Variants in AKR1E2 observed in about 807,000 individuals in gnomAD.
AKR1E2 encodes the protein aldo-keto reductase family 1 member E2, also known as 1,5-anhydro-D-fructose reductase.
Under a neutral mutation model 41.9 loss-of-function variants are expected in AKR1E2, and 43 were observed. The ratio of observed to expected loss-of-function variants is 1.03; its 90% CI spans 0.80 to 1.32. The LOEUF is 1.32. Ranked by LOEUF, AKR1E2 falls within the 40% of genes most tolerant of loss-of-function variation. The pLI, the probability that AKR1E2 is intolerant of heterozygous loss-of-function variation, is 0.00. For synonymous variants in AKR1E2, 121 were observed against 138.9 expected, an observed-to-expected ratio of 0.87 and a Z score of 0.91; for missense variants, 423 against 396.5, an observed-to-expected ratio of 1.07 and a Z score of -0.57.
In AKR1E2 at chr10:4,826,308, G is replaced by A; in HGVS notation, c.-17G>A. ...CGCGTGCGGGGCGGCGGGGCGGCGG[G>A]GCGGCCGGCGGCGGCCATGGGAGAT... On this transcript the variant is annotated 5_prime_UTR_variant, in exon 1 of 10. Transcript: ENST00000298375. 1 of 1,232,938 alleles carries A rather than the reference G, an allele frequency of 8.1e-7. No homozygotes were observed. Among genetic ancestry groups the A allele is most frequent in the Non-Finnish European group, 1.0e-6 (1 of 987,126 alleles). The allele number at this position is 1,232,938 out of a possible 1,614,324, so 76.4% of individuals were successfully genotyped here. A position where few individuals can be genotyped will look rare whatever the true frequency, so the allele number is the denominator to read the frequency against.
At chr10:4,833,616 A>C (rs1588444965) in intron 3 of AKR1E2, 150 bp downstream of exon 3, 2 of 707,040 alleles carry the variant, frequency 2.8e-6, no homozygotes, top group Non-Finnish European at 5.0e-6. Context: ...GCATTTGGGC[A>C]GTCCTCTTGA....
chr10:4,831,580 C>G (rs1449440816), intron 2 of AKR1E2, among the ~76,000 whole-genome samples: 1 of 152,120 alleles, frequency 6.6e-6, no homozygotes. Context: ...AAACTTGCCC[C>G]CATGATTCAG....
chr10:4,847,292 C>A, intron 9 of AKR1E2, 62 bp downstream of exon 9: 5 of 1,607,238 alleles, frequency 3.1e-6, no homozygotes. Flanking sequence ...TGATTGGTGT[C>A]TGAATAGGTA....
the AKR1E2 span, among the ~76,000 whole-genome samples, chr10:4,862,903 A>G: frequency 6.9e-5 from 2 of 28,802 alleles, no homozygotes; most frequent in South Asian, 2.6e-3. Flanking sequence ...CAATTCAACA[A>G]GAAGAGCTAA....
the AKR1E2 span, among the ~76,000 whole-genome samples, chr10:4,855,364 T>C: frequency 0.26 from 39,248 of 152,102 alleles, 5,261 homozygotes; most frequent in Middle Eastern, 0.37. Context: ...TAGAATAGAA[T>C]ATGGGCTTAG....
At chr10:4,871,259 G>C in the AKR1E2 span, among the ~76,000 whole-genome samples, 2 of 151,936 alleles carry the variant, frequency 1.3e-5, no homozygotes, top group African/African-American at 4.8e-5. Context: ...TACAATGGTT[G>C]CTTTAAAATC....
chr10:4,840,628 C>T (rs564787535), intron 6 of AKR1E2, among the ~76,000 whole-genome samples: 1 of 152,364 alleles, frequency 6.6e-6, no homozygotes, highest in East Asian at 1.9e-4. Flanking sequence ...CTGTGAACAT[C>T]CTGGGCTTCA....
intron 6 of AKR1E2, 119 bp from the exon 7 acceptor site, chr10:4,841,666 C>A: frequency 1.4e-6 from 1 of 703,898 alleles, no homozygotes; most frequent in South Asian, 3.1e-5. Flanking sequence ...TTCCTGTAGT[C>A]GGCATGTGTC....
At chr10:4,865,805 CAAA>C in the AKR1E2 span, among the ~76,000 whole-genome samples, 2 of 152,100 alleles carry the variant, frequency 1.3e-5, no homozygotes, top group African/African-American at 4.8e-5. Context: ...TGAAGCTTAA[CAAA>C]AAGAGTCCAC....
chr10:4,846,370 G>T (rs1284733232), intron 8 of AKR1E2, among the ~76,000 whole-genome samples: 1 of 152,122 alleles, frequency 6.6e-6, no homozygotes, highest in Non-Finnish European at 1.5e-5. Context: ...GGGCTGAGAA[G>T]AATACTATTT....
intron 4 of AKR1E2, 92 bp downstream of exon 4, chr10:4,835,901 C>A: frequency 6.6e-7 from 1 of 1,514,814 alleles, no homozygotes; most frequent in Non-Finnish European, 8.9e-7. Context: ...TCAAAGACAT[C>A]AAGGTTGTCT....
intron 8 of AKR1E2, among the ~76,000 whole-genome samples, chr10:4,845,587 G>A (rs922149534): frequency 2.6e-5 from 4 of 151,708 alleles, no homozygotes; most frequent in Non-Finnish European, 4.4e-5. Context: ...ATAGGCTGGG[G>A]AAGATTATCT....
chr10:4,866,759 TG>T, the AKR1E2 span, among the ~76,000 whole-genome samples: 9 of 143,798 alleles, frequency 6.3e-5, no homozygotes, highest in Admixed American at 5.3e-4. Flanking sequence ...ACTTGGCGGG[TG>T]GGGGGAAGCC....
At chr10:4,852,696 G>C (rs1478641399), downstream of AKR1E2, among the ~76,000 whole-genome samples, 2 of 152,224 alleles carry the variant, frequency 1.3e-5, no homozygotes, top group Non-Finnish European at 2.9e-5. Flanking sequence ...GATTGGCAAG[G>C]TCTGCTGGAA....
At chr10:4,842,321 C>A in intron 7 of AKR1E2, 100 bp from the exon 8 acceptor site, 3 of 1,026,214 alleles carry the variant, frequency 2.9e-6, no homozygotes, top group East Asian at 2.4e-5. Context: ...GTCATTGATT[C>A]TTGGACTCTT....
At chr10:4,872,660 A>T in the AKR1E2 span, among the ~76,000 whole-genome samples, 4 of 152,164 alleles carry the variant, frequency 2.6e-5, no homozygotes, top group Non-Finnish European at 5.9e-5. Flanking sequence ...TTATTCAACC[A>T]ATATGTATTG....
Position 4,830,807 on chromosome 10 carries a change from G to A in AKR1E2, c.172G>A (p.Ala58Thr), listed in dbSNP as rs539686331. ...AGIRCKIKEG[A>T]VRREDLFIAT... Reference sequence around the variant, plus strand: ...GATCCGTTGCAAGATCAAGGAAGGCGCTGTAAGACGGGAGGATCTGTTCAT... The same window carrying A: ...GATCCGTTGCAAGATCAAGGAAGGCACTGTAAGACGGGAGGATCTGTTCAT... The change falls in exon 2 of 10, where the codon GCT (alanine) becomes ACT (threonine). Residue 58 changes from alanine (A) to threonine (T), a missense_variant. Physicochemically the swap from Ala to Thr is moderately conservative, Grantham distance 58 (BLOSUM62 0). Coordinates refer to ENST00000298375, the MANE Select transcript of AKR1E2 (RefSeq NM_001040177.3). 107 of 1,614,138 alleles carry A rather than the reference G, an allele frequency of 6.6e-5. 1 individual carries two copies. Among genetic ancestry groups the A allele is most frequent in the Non-Finnish European group, 7.9e-5 (93 of 1,180,010 alleles).
At chr10:4,826,397 C>G in intron 1 of AKR1E2, 34 bp downstream of exon 1, 6 of 1,232,208 alleles carry the variant, frequency 4.9e-6, no homozygotes. Flanking sequence ...GCGCGCCTGA[C>G]CTAGGGGAGC....
intron 6 of AKR1E2, 106 bp downstream of exon 6, chr10:4,839,932 A>T (rs1397452496): frequency 9.9e-7 from 1 of 1,005,092 alleles, no homozygotes; most frequent in Non-Finnish European, 1.6e-6. Context: ...AGGTTTTGAC[A>T]GGGTGTGGAG....
Sources: gnomAD v4.1 joint callset for allele counts (sites outside exome capture counted in the v4.1 genomes callset) on GRCh38, gnomAD v4.1.1 for gene constraint, MANE v1.5 for transcripts, NCBI Gene and HGNC (gene_info 2026-07-23, HGNC 2026-07-21) for gene names.